Variants in VWA2 observed in about 807,000 individuals in gnomAD.
VWA2 encodes von Willebrand factor A domain containing 2.
A neutral mutation model predicts 70.4 loss-of-function variants in VWA2; 73 were observed. The ratio of observed to expected loss-of-function variants is 1.04; its 90% CI spans 0.86 to 1.26. The LOEUF (loss-of-function observed/expected upper bound fraction) is 1.26. VWA2 is among the 50% of genes most tolerant of loss of function. VWA2 has a pLI of 0.00. For missense variants in VWA2, 1,011 were observed against 998.5 expected, an observed-to-expected ratio of 1.01 and a Z score of -0.17; for synonymous variants, 407 against 423.3, an observed-to-expected ratio of 0.96 and a Z score of 0.47.
At chr10:114,244,056 C>T (rs2037020400) in intron 1 of VWA2, among the ~76,000 whole-genome samples, 1 of 152,220 alleles carries the variant, frequency 6.6e-6, no homozygotes, top group Non-Finnish European at 1.5e-5. Context: ...CTTGGTGAGG[C>T]ATACCTGAGA....
intron 9 of VWA2, 76 bp downstream of exon 9, chr10:114,282,647 A>G: frequency 7.6e-7 from 1 of 1,311,140 alleles, no homozygotes; most frequent in Non-Finnish European, 1.1e-6. Flanking sequence ...GGCTTTTACA[A>G]TCCTGGGACA....
In VWA2 at chr10:114,286,275, C is replaced by T; in HGVS notation, c.1334C>T (p.Pro445Leu). 6.2e-7 allele frequency: 1 copy of T among 1,610,522 alleles called. No homozygotes were observed. Among genetic ancestry groups the T allele is most frequent in the Non-Finnish European group, 8.5e-7 (1 of 1,177,628 alleles). ...GSATRTGQDR[P>L]RRVVVLLTES... Reference sequence around the variant, plus strand: ...GCCACCAGGACAGGCCAGGACCGGCCACGTAGAGTGGTGGTTTTGCTCACT... The same window carrying T: ...GCCACCAGGACAGGCCAGGACCGGCTACGTAGAGTGGTGGTTTTGCTCACT... The change falls in exon 11 of 14, where the codon CCA (proline) becomes CTA (leucine). Residue 445 changes from proline to leucine, a missense_variant. Coordinates refer to ENST00000392982, the MANE Select transcript of VWA2 (RefSeq NM_001272046.2).
At chr10:114,266,366 T>C (rs1272530747) in intron 5 of VWA2, among the ~76,000 whole-genome samples, 1 of 152,130 alleles carries the variant, frequency 6.6e-6, no homozygotes, top group Non-Finnish European at 1.5e-5. Context: ...TGTGAGATGT[T>C]TTGATACAAG....
intron 1 of VWA2, among the ~76,000 whole-genome samples, chr10:114,243,672 G>A (rs766299170): frequency 2.6e-5 from 4 of 152,166 alleles, no homozygotes; most frequent in Non-Finnish European, 4.4e-5. Context: ...TTTCATTTCC[G>A]ATGGTAGAGA....
intron 13 of VWA2, 124 bp downstream of exon 13, chr10:114,290,489 G>A (rs534690010): frequency 2.1e-5 from 28 of 1,358,560 alleles, no homozygotes; most frequent in South Asian, 4.2e-5. Context: ...TTATTCAGTC[G>A]TTTACCCACG....
chr10:114,274,862 A>T (rs1241696178), intron 6 of VWA2, among the ~76,000 whole-genome samples: 2 of 152,120 alleles, frequency 1.3e-5, no homozygotes, highest in African/African-American at 4.8e-5. Flanking sequence ...TGGGTGTGTG[A>T]GAGAAGAATT....
intron 4 of VWA2, among the ~76,000 whole-genome samples, chr10:114,257,645 C>T (rs2037359399): frequency 6.6e-6 from 1 of 152,194 alleles, no homozygotes; most frequent in Admixed American, 6.5e-5. Flanking sequence ...AATTCACACC[C>T]TGCTATCACA....
intron 8 of VWA2, 102 bp from the exon 9 acceptor site, chr10:114,282,414 T>C (rs1564734192): frequency 1.1e-6 from 1 of 938,074 alleles, no homozygotes; most frequent in Non-Finnish European, 1.7e-6. Flanking sequence ...TACTTCTGCA[T>C]TGGAATCTTC....
intron 2 of VWA2, among the ~76,000 whole-genome samples, chr10:114,253,080 A>G (rs2133300514): frequency 6.7e-6 from 1 of 149,464 alleles, no homozygotes; most frequent in Non-Finnish European, 1.5e-5. Context: ...GGCTTTTCCA[A>G]ATGTCCCTTC....
chr10:114,255,692 C>A (rs2037312331), intron 4 of VWA2, among the ~76,000 whole-genome samples: 1 of 152,178 alleles, frequency 6.6e-6, no homozygotes, highest in Non-Finnish European at 1.5e-5. Flanking sequence ...CAGCCAGTAT[C>A]TTCATTTCTT....
intron 4 of VWA2, 127 bp from the exon 5 acceptor site, chr10:114,261,059 G>A (rs899867511): frequency 3.1e-6 from 2 of 646,206 alleles, no homozygotes; most frequent in Non-Finnish European, 5.4e-6. Context: ...ACTGGAGAAA[G>A]CTCTGGCACT....
chr10:114,246,281 AC>A lies in VWA2; in HGVS notation c.-10-2421del, dbSNP rs926594926. On this transcript the variant is annotated intron_variant, in intron 1 of 13. Coordinates refer to ENST00000392982, the MANE Select transcript of VWA2 (RefSeq NM_001272046.2). ...TTCGGGAGGCCGAGGCGGTCGTATC[AC>A]CTGAGGTCAGGAGTTCAAGACCAGC... The A allele has an allele frequency of 7.3e-5, 48 of 653,100 alleles. No homozygotes were observed. In the Admixed American group the frequency reaches 9.4e-4, roughly 13 times the overall value. 40.5% of individuals were successfully genotyped at this position (653,100 alleles called of 1,614,324 possible).
In VWA2 at chr10:114,290,260, C is replaced by G; in HGVS notation, c.2143C>G (p.Leu715Val). The G allele has an allele frequency of 1.3e-6, 2 of 1,550,574 alleles. No individual in the cohort carries two copies. The highest frequency in any genetic ancestry group is 2.4e-5 in the South Asian group (2 of 84,062). Reference sequence around the variant, plus strand: ...TGTAGAAGCCAAGCAGCCAGTCAACCTCTGCAAACCCAGCCCGTGCATGAA... The same window carrying G: ...TGTAGAAGCCAAGCAGCCAGTCAACGTCTGCAAACCCAGCCCGTGCATGAA... ...LCGEAKQPVN[L>V]CKPSPCMNEG... Residue 715 changes from leucine to valine, a missense_variant, in exon 13 of 14, where the codon CTC becomes GTC. Coordinates refer to ENST00000392982, the MANE Select transcript of VWA2 (RefSeq NM_001272046.2).
intron 5 of VWA2, among the ~76,000 whole-genome samples, chr10:114,266,190 G>T (rs1050893547): frequency 6.6e-6 from 1 of 151,914 alleles, no homozygotes; most frequent in East Asian, 1.9e-4. Context: ...CCAGCTACTC[G>T]GGAGGCTGAG....
rs770949661 is a variant in VWA2, at chr10:114,261,258, C to T, written c.334C>T (p.Gln112Ter). The T allele has an allele frequency of 1.2e-6, 2 of 1,614,150 alleles. No individual in the cohort carries two copies. Among genetic ancestry groups the T allele is most frequent in the South Asian group, 1.1e-5 (1 of 91,082 alleles). The part of the protein sequence containing the change: ...EFPLDSFSTQ[Q>*]EVKARIKRMV... ...CCCCTTGGATTCATTTTCAACCCAA[C>T]AGGAAGTGAAGGCAAGAATCAAGAG... Residue 112 changes from glutamine (Q) to a stop codon, truncating the protein, a stop_gained, in exon 5 of 14, where the codon CAG becomes TAG. Transcript: ENST00000392982. LOFTEE classifies it high-confidence loss of function.
At position 114,280,006 on chromosome 10, in the gene VWA2, C is replaced by CTGA. The variant is rs1339859600; in HGVS notation, c.833+1155_833+1156insTGA. 1.6e-4 allele frequency among the ~76,000 whole-genome samples: 25 copies of CTGA among 152,316 alleles called. No homozygotes were observed. In the East Asian group the frequency reaches 1.9e-3, roughly 12 times the overall value. On this transcript the variant is annotated intron_variant, in intron 8 of 13. Transcript: ENST00000392982. ...GTGTATACTTCCTGGGCCTTGCATTCAGACTCTGCTCTCAGGCTGCTGAAT... is the reference window on the plus strand; with the variant it reads ...GTGTATACTTCCTGGGCCTTGCATTCTGAAGACTCTGCTCTCAGGCTGCTGAAT...
chr10:114,254,409 C>T (rs956948796), intron 3 of VWA2, among the ~76,000 whole-genome samples: 1 of 152,132 alleles, frequency 6.6e-6, no homozygotes, highest in African/African-American at 2.4e-5. Flanking sequence ...TGGCCTGTGC[C>T]TCAAGGTTTT....
chr10:114,271,608 A>AACACACACACACACACACACACACAC (rs142127208), intron 5 of VWA2, among the ~76,000 whole-genome samples: 158 of 144,788 alleles, frequency 1.1e-3, no homozygotes, highest in African/African-American at 3.5e-3. Flanking sequence ...GAGAAGTAAA[A>AACACACACACACACACACACACACAC]ACACACACAC....
intron 2 of VWA2, among the ~76,000 whole-genome samples, chr10:114,250,250 C>T (rs1314735964): frequency 6.6e-6 from 1 of 152,212 alleles, no homozygotes; most frequent in African/African-American, 2.4e-5. Flanking sequence ...TTATTCACCA[C>T]TATATTATTT....
Sources: gnomAD v4.1 joint callset for allele counts (sites outside exome capture counted in the v4.1 genomes callset) on GRCh38, gnomAD v4.1.1 for gene constraint, MANE v1.5 for transcripts, NCBI Gene and HGNC (gene_info 2026-07-23, HGNC 2026-07-21) for gene names.